HPCAL1: variants seen among roughly 807,000 people sequenced by gnomAD.
HPCAL1 encodes the protein hippocalcin-like protein 1.
Under a neutral mutation model 17.1 loss-of-function variants are expected in HPCAL1, and 8 were observed. That is an observed-to-expected ratio of 0.47 (90% CI 0.27 to 0.84). The LOEUF is 0.84. HPCAL1 is among the 40% of genes least tolerant of loss of function. HPCAL1 has a pLI of 0.13. For missense variants in HPCAL1, 165 were observed against 271.1 expected (o/e 0.61, Z 2.75); for synonymous variants, 112 against 111.4 (o/e 1.01, Z -0.03).
chr2:10,373,703 C>T (rs758375906), intron 1 of HPCAL1, among the ~76,000 whole-genome samples: 1 of 152,144 alleles, frequency 6.6e-6, no homozygotes, highest in African/African-American at 2.4e-5. Flanking sequence ...CTCTCACCTG[C>T]TCCTCAGCCT....
intron 1 of HPCAL1, among the ~76,000 whole-genome samples, chr2:10,336,679 C>T (rs907173382): frequency 6.6e-6 from 1 of 152,128 alleles, no homozygotes; most frequent in African/African-American, 2.4e-5. Flanking sequence ...TTCAGAGCAG[C>T]CCCATCTGAG....
intron 1 of HPCAL1, among the ~76,000 whole-genome samples, chr2:10,370,312 C>T (rs1667129065): frequency 1.3e-5 from 2 of 152,216 alleles, no homozygotes; most frequent in South Asian, 2.1e-4. Flanking sequence ...CTGTGCTCAC[C>T]CATGCCTGCC....
intron 1 of HPCAL1, among the ~76,000 whole-genome samples, chr2:10,318,543 C>T (rs372951542): frequency 2.0e-5 from 3 of 152,278 alleles, no homozygotes; most frequent in South Asian, 2.1e-4. Flanking sequence ...AGTTGATGAC[C>T]GCTCCGGACA....
rs192100741 is a variant in HPCAL1, at chr2:10,424,642, G to A, written c.484+1554G>A. On this transcript the variant is annotated intron_variant, in intron 4 of 4. Transcript: ENST00000307845. ...GGTTGGGAATTTGGATGGCATGGTCGTTGCTAATGTGCCTGCTGGGATGGA... is the reference window on the plus strand; with the variant it reads ...GGTTGGGAATTTGGATGGCATGGTCATTGCTAATGTGCCTGCTGGGATGGA... 408 of 470,796 alleles carry A rather than the reference G, an allele frequency of 8.7e-4. 2 individuals are homozygous for A. The highest frequency in any genetic ancestry group is 7.2e-3 in the African/African-American group (361 of 50,204). 29.2% of individuals were successfully genotyped at this position (470,796 alleles called of 1,614,324 possible). A position where few individuals can be genotyped will look rare whatever the true frequency, so the allele number is the denominator to read the frequency against.
chr2:10,415,537 G>A (rs936489447), intron 2 of HPCAL1, among the ~76,000 whole-genome samples: 5 of 152,124 alleles, frequency 3.3e-5, no homozygotes, highest in African/African-American at 1.2e-4. Flanking sequence ...CGTGCTCCCC[G>A]TGTGGTGTCG....
In HPCAL1 at chr2:10,362,644, G is replaced by A. The variant is rs536774506; in HGVS notation, c.-110-34191G>A. Among the ~76,000 whole-genome samples the A allele has an allele frequency of 8.5e-5, 13 of 152,316 alleles. No homozygotes were observed. In the South Asian group the frequency reaches 2.1e-3, roughly 24 times the overall value. On this transcript the variant is annotated intron_variant, in intron 1 of 4. Transcript: ENST00000307845. This position sits in a 1 kb window ranked among gnomAD's most constrained non-coding sequence, Gnocchi z 5.0. ...GCCCCAGGCTGATTATCTGCAGACC[G>A]GGATCCCATTTCTGCTGCTTTGGGA... is the stretch of plus-strand genomic sequence containing the variant.
At chr2:10,405,451 C>T (rs1314135320) in intron 2 of HPCAL1, among the ~76,000 whole-genome samples, 4 of 152,232 alleles carry the variant, frequency 2.6e-5, no homozygotes, top group Non-Finnish European at 5.9e-5. Context: ...GCTGGCAGGG[C>T]AGGCTGAGGC....
chr2:10,316,279 T>C (rs1426328586), intron 1 of HPCAL1, among the ~76,000 whole-genome samples: 1 of 152,190 alleles, frequency 6.6e-6, no homozygotes, highest in Middle Eastern at 3.2e-3. Flanking sequence ...TTACTGTTTG[T>C]CATTCTAATA....
At chr2:10,375,093 C>G (rs2160204) in intron 1 of HPCAL1, among the ~76,000 whole-genome samples, 4,470 of 152,202 alleles carry the variant, frequency 0.029, 81 homozygotes, top group Middle Eastern at 0.078. Context: ...TAGAAAGTCA[C>G]AGAAGAGAAA....
intron 2 of HPCAL1, among the ~76,000 whole-genome samples, chr2:10,409,777 C>CTTTCTTTTTTT (rs1558527080): frequency 1.6e-5 from 1 of 62,506 alleles, no homozygotes; most frequent in Admixed American, 2.1e-4. Context: ...GAGCCTCAGT[C>CTTTCTTTTTTT]TTTTTTTTTT....
chr2:10,424,356 C>T (rs1046386756), intron 4 of HPCAL1: 1 of 387,538 alleles, frequency 2.6e-6, no homozygotes, highest in Admixed American at 2.7e-5. Flanking sequence ...GTGTGTTCCA[C>T]CCTCCAGCCT....
intron 1 of HPCAL1, among the ~76,000 whole-genome samples, chr2:10,374,216 G>A (rs1044255479): frequency 6.6e-6 from 1 of 151,946 alleles, no homozygotes. Flanking sequence ...GGGGCAGAAC[G>A]CCAGAGCCCT....
chr2:10,309,375 G>A (rs1662816368), intron 1 of HPCAL1, among the ~76,000 whole-genome samples: 1 of 152,226 alleles, frequency 6.6e-6, no homozygotes, highest in African/African-American at 2.4e-5. Context: ...GAGGCCCAGA[G>A]CAAATAAGTA....
rs1376676300 is a variant in HPCAL1 at position 10,310,285 on chromosome 2, G to A, written c.-111+7108G>A. On this transcript the variant is annotated intron_variant, in intron 1 of 4. Transcript: ENST00000307845. This position sits in a 1 kb window ranked among gnomAD's most constrained non-coding sequence, Gnocchi z 4.5. Reference sequence around the variant, plus strand: ...GACGTAGATGGGGACGCAGATGTGAGTACCTAGGTGAGTCTGGCTGGTCAC... The same window carrying A: ...GACGTAGATGGGGACGCAGATGTGAATACCTAGGTGAGTCTGGCTGGTCAC... Among the ~76,000 whole-genome samples the A allele has an allele frequency of 6.6e-6, 1 of 152,158 alleles. No individual in the cohort carries two copies. The highest frequency in any genetic ancestry group is 1.5e-5 in the Non-Finnish European group (1 of 68,028).
At chr2:10,373,597 A>G (rs1195437695) in intron 1 of HPCAL1, among the ~76,000 whole-genome samples, 1 of 151,640 alleles carries the variant, frequency 6.6e-6, no homozygotes, top group East Asian at 1.9e-4. Context: ...TTGTTTTTTT[A>G]TGTTTCAGAA....
At chr2:10,341,413 T>C (rs1261149582) in intron 1 of HPCAL1, among the ~76,000 whole-genome samples, 1 of 152,090 alleles carries the variant, frequency 6.6e-6, no homozygotes, top group African/African-American at 2.4e-5. Context: ...ATTGCGCCAC[T>C]GCACTCCAGC....
At chr2:10,378,100 T>TG (rs1240948979) in intron 1 of HPCAL1, among the ~76,000 whole-genome samples, 4 of 152,036 alleles carry the variant, frequency 2.6e-5, no homozygotes, top group Admixed American at 6.5e-5. Flanking sequence ...TTAAGGTTCT[T>TG]GATGGGGTTT....
At chr2:10,314,511 G>T (rs907767604) in intron 1 of HPCAL1, among the ~76,000 whole-genome samples, 1 of 152,196 alleles carries the variant, frequency 6.6e-6, no homozygotes, top group Non-Finnish European at 1.5e-5. Flanking sequence ...TTGAAGGTTG[G>T]CAGTCAGCTA....
chr2:10,405,426 C>T (rs1236325719), intron 2 of HPCAL1, among the ~76,000 whole-genome samples: 2 of 152,262 alleles, frequency 1.3e-5, no homozygotes, highest in Non-Finnish European at 1.5e-5. Context: ...ATGGCCCCTC[C>T]AGGGCGTGCT....
Sources: allele counts gnomAD v4.1 joint callset (sites outside exome capture counted in the v4.1 genomes callset), GRCh38; gene constraint gnomAD v4.1.1; non-coding constraint Gnocchi (gnomAD v3.1); transcripts MANE v1.5; gene names NCBI Gene and HGNC (gene_info 2026-07-23, HGNC 2026-07-21).